The following STK3 variants were observed in gnomAD, a reference collection of about 807,000 sequenced individuals.
STK3 encodes serine/threonine kinase 3, also known as serine/threonine-protein kinase 3.
In STK3, 41 loss-of-function variants were observed where a neutral mutation model predicts 58.0. That is an observed-to-expected ratio of 0.71 (90% CI 0.55 to 0.92). The LOEUF is 0.92. Among genes scored for constraint, STK3 ranks in the 40% least tolerant of loss-of-function variants. The pLI is 0.00. For synonymous variants in STK3, 170 were observed against 191.0 expected, an observed-to-expected ratio of 0.89 and a Z score of 0.91; for missense variants, 479 against 602.7, an observed-to-expected ratio of 0.79 and a Z score of 2.15.
intron 3 of STK3, chr8:98,432,714 G>A (rs1818354219): frequency 6.0e-6 from 1 of 167,050 alleles, no homozygotes; most frequent in African/African-American, 2.4e-5. Context: ...AGGCGTAACT[G>A]GTATTTCTTG....
intron 2 of STK3, among the ~76,000 whole-genome samples, chr8:98,435,817 T>C (rs1287479384): frequency 2.0e-5 from 3 of 152,124 alleles, no homozygotes; most frequent in African/African-American, 4.8e-5. Context: ...GGCAGCACCC[T>C]GAGGGAGCCT....
At chr8:98,897,818 A>G (rs1254186107) in intron 1 of STK3, among the ~76,000 whole-genome samples, 1 of 152,196 alleles carries the variant, frequency 6.6e-6, no homozygotes, top group African/African-American at 2.4e-5. Context: ...TATTAAATAA[A>G]TACATACATA....
chr8:98,874,811 A>T (rs1477217899), intron 3 of STK3, among the ~76,000 whole-genome samples: 8 of 150,612 alleles, frequency 5.3e-5, no homozygotes, highest in Non-Finnish European at 1.2e-4. Flanking sequence ...TTTTTTAAAG[A>T]TGGGGTCTCA....
At chr8:98,650,562 G>A (rs1455953838) in intron 6 of STK3, among the ~76,000 whole-genome samples, 1 of 152,244 alleles carries the variant, frequency 6.6e-6, no homozygotes, top group Non-Finnish European at 1.5e-5. Context: ...GAAGCGCAAG[G>A]GGTCAGGGAG....
At chr8:98,825,427 A>T in intron 1 of STK3, 88 bp downstream of exon 1, 2 of 1,213,466 alleles carry the variant, frequency 1.6e-6, no homozygotes, top group Admixed American at 4.4e-5. Context: ...GGGCGGGGAG[A>T]GGCTCGCAGC....
chr8:98,444,462 G>A (rs917878280), intron 1 of STK3, among the ~76,000 whole-genome samples: 6 of 152,218 alleles, frequency 3.9e-5, no homozygotes, highest in African/African-American at 1.4e-4. Context: ...CTGGCACAGA[G>A]CCCAGTTAAG....
At chr8:98,869,790 TGAA>T (rs1837299794) in intron 3 of STK3, among the ~76,000 whole-genome samples, 2 of 100,568 alleles carry the variant, frequency 2.0e-5, no homozygotes, top group African/African-American at 7.9e-5. Flanking sequence ...TCATTGTCTT[TGAA>T]GAAGATTTTC....
chr8:98,894,026 TATTA>T (rs1201839529), intron 1 of STK3, among the ~76,000 whole-genome samples: 2 of 152,230 alleles, frequency 1.3e-5, no homozygotes, highest in African/African-American at 2.4e-5. Flanking sequence ...TTCACTGGTT[TATTA>T]GTTTGTTATA....
intron 6 of STK3, among the ~76,000 whole-genome samples, chr8:98,622,564 G>A (rs772256015): frequency 2.0e-5 from 3 of 152,098 alleles, no homozygotes; most frequent in Non-Finnish European, 2.9e-5. Context: ...TCAAGGGTCT[G>A]TAAAAAATCA....
intron 6 of STK3, among the ~76,000 whole-genome samples, chr8:98,662,111 T>C (rs1295733445): frequency 6.6e-6 from 1 of 151,944 alleles, no homozygotes; most frequent in Non-Finnish European, 1.5e-5. Flanking sequence ...TTGAAAAAAA[T>C]GAATGAAAGG....
intron 6 of STK3, among the ~76,000 whole-genome samples, chr8:98,659,004 T>TATTC (rs1821763226): frequency 2.6e-5 from 4 of 152,088 alleles, no homozygotes; most frequent in Admixed American, 1.3e-4. Flanking sequence ...TTGCCTACAG[T>TATTC]ATTCAGTACA....
chr8:98,846,100 C>G (rs1332192121), intron 3 of STK3, among the ~76,000 whole-genome samples: 1 of 152,222 alleles, frequency 6.6e-6, no homozygotes, highest in Non-Finnish European at 1.5e-5. Context: ...GGACCCATAA[C>G]CCTCTTCCAA....
intron 1 of STK3, among the ~76,000 whole-genome samples, chr8:98,385,720 A>G (rs1817783882): frequency 6.6e-6 from 1 of 152,200 alleles, no homozygotes; most frequent in Admixed American, 6.5e-5. Flanking sequence ...CTGAACAGAC[A>G]GAGATTAAAT....
At chr8:98,905,750 A>G in intron 1 of STK3, 1 of 489,906 alleles carries the variant, frequency 2.0e-6, no homozygotes. Context: ...TTGTCTTGAT[A>G]AAAGAAAAAC....
At chr8:98,894,534 GT>G (rs1178144697) in intron 1 of STK3, among the ~76,000 whole-genome samples, 19 of 152,172 alleles carry the variant, frequency 1.2e-4, no homozygotes, top group Admixed American at 1.2e-3. Context: ...CCCCCTTAAA[GT>G]GCTCTGTTTG....
chr8:98,415,385 T>C (rs1818103954), intron 3 of STK3, among the ~76,000 whole-genome samples: 1 of 152,254 alleles, frequency 6.6e-6, no homozygotes, highest in African/African-American at 2.4e-5. Flanking sequence ...GATACTTTTG[T>C]TGATGATAGT....
chr8:98,700,730 A>T (rs1825519960), intron 6 of STK3, among the ~76,000 whole-genome samples: 1 of 152,150 alleles, frequency 6.6e-6, no homozygotes. Context: ...TCTTGGTTTG[A>T]TTTCTATTTT....
Position 98,579,799 on chromosome 8 carries a change from T to C in STK3, c.823-10A>G, listed in dbSNP as rs566697537. On this transcript the variant is annotated splice_polypyrimidine_tract_variant and intron_variant, in intron 7 of 10. Transcript: ENST00000419617. ...TCTTGATAAAAGGATGCTAAAAAAG[T>C]AAAATTCAATGGTATAAATTCAAAA... The C allele has an allele frequency of 6.4e-7, 1 of 1,568,490 alleles. No individual in the cohort carries two copies. Among genetic ancestry groups the C allele is most frequent in the East Asian group, 2.3e-5 (1 of 43,414 alleles).
intron 7 of STK3, among the ~76,000 whole-genome samples, chr8:98,584,343 A>C (rs902363249): frequency 2.1e-4 from 32 of 150,972 alleles, no homozygotes; most frequent in African/African-American, 5.6e-4. Flanking sequence ...GTGAGAATAT[A>C]CGGTGTTTGG....
Sources: allele counts gnomAD v4.1 joint callset (sites outside exome capture counted in the v4.1 genomes callset), GRCh38; gene constraint gnomAD v4.1.1; transcripts MANE v1.5; gene names NCBI Gene and HGNC (gene_info 2026-07-23, HGNC 2026-07-21).